Variants in STOML3 observed in about 807,000 individuals in gnomAD.
STOML3 encodes the protein stomatin-like protein 3.
In STOML3, 31 loss-of-function variants were observed where a neutral mutation model predicts 29.5. The ratio of observed to expected loss-of-function variants is 1.05; its 90% CI spans 0.79 to 1.42. The LOEUF is 1.42. STOML3 is among the 40% of genes most tolerant of loss of function. The pLI is 0.00. For synonymous variants in STOML3, 122 were observed against 139.8 expected (o/e 0.87, Z 0.90); for missense variants, 380 against 363.0 (o/e 1.05, Z -0.38).
intron 1 of STOML3, among the ~76,000 whole-genome samples, chr13:38,979,547 C>G (rs1035799808): frequency 3.3e-5 from 5 of 152,158 alleles, no homozygotes; most frequent in Non-Finnish European, 7.3e-5. Context: ...TGGCATTACA[C>G]TGTACCCACC....
intron 1 of STOML3, among the ~76,000 whole-genome samples, chr13:38,982,051 A>G (rs1278318227): frequency 6.6e-6 from 1 of 152,200 alleles, no homozygotes; most frequent in Non-Finnish European, 1.5e-5. Flanking sequence ...GTTGTGGTGT[A>G]TTCATATTCA....
chr13:38,976,703 C>T lies in STOML3; in HGVS notation c.147G>A (p.Met49Ile). The T allele has an allele frequency of 2.5e-6, 4 of 1,613,970 alleles. No homozygotes were observed. The highest frequency in any genetic ancestry group is 2.5e-6 in the Non-Finnish European group (3 of 1,179,944). ...VIITFPISIWMCLKIIKEYER... is the reference protein window; with the variant it reads ...VIITFPISIWICLKIIKEYER... ...TTTCCCAGGGTGTTACCTTCAAGCA[C>T]ATCCATATGGAGATGGGGAAGGTAA... Residue 49 changes from methionine to isoleucine, a missense_variant, in exon 2 of 7, where the codon ATG becomes ATA. Physicochemically the swap from Met to Ile is conservative, Grantham distance 10 (BLOSUM62 1). Coordinates refer to ENST00000379631, the MANE Select transcript of STOML3 (RefSeq NM_145286.3).
At chr13:38,977,799 G>T (rs951700924) in intron 1 of STOML3, among the ~76,000 whole-genome samples, 10 of 105,648 alleles carry the variant, frequency 9.5e-5, no homozygotes, top group Non-Finnish European at 1.3e-4. Flanking sequence ...TCGCTCTGTC[G>T]CCCAGGCTGG....
chr13:38,970,196 G>A lies in STOML3; in HGVS notation c.505C>T (p.His169Tyr), dbSNP rs1880809550. Residue 169 changes from histidine to tyrosine, a missense_variant, in exon 5 of 7, where the codon CAT becomes TAT. Coordinates refer to ENST00000379631, the MANE Select transcript of STOML3 (RefSeq NM_145286.3). Reference protein sequence around the residue: ...QILAGREEIAHSIQTLLDDAT... With the variant: ...QILAGREEIAYSIQTLLDDAT... ...CATGGTGTCTTTACCTGGATGCTAT[G>A]GGCGATCTCTTCTCGTCCAGCTAAG... The A allele has an allele frequency of 6.2e-7, 1 of 1,612,634 alleles. No homozygotes were observed. The highest frequency in any genetic ancestry group is 1.3e-5 in the African/African-American group (1 of 74,866).
chr13:38,986,150 T>C (rs1247162451), intron 1 of STOML3, among the ~76,000 whole-genome samples: 1 of 148,958 alleles, frequency 6.7e-6, no homozygotes, highest in East Asian at 2.0e-4. Flanking sequence ...CAAGTGATTC[T>C]CCTCCCTCCC....
intron 1 of STOML3, among the ~76,000 whole-genome samples, chr13:38,983,277 C>T (rs532713845): frequency 1.3e-5 from 2 of 152,312 alleles, no homozygotes; most frequent in African/African-American, 4.8e-5. Context: ...CCTTTAAAAA[C>T]CCTACCACCC....
rs2138001400 is a variant in STOML3 at position 38,966,243 on chromosome 13, G to A, written c.*582C>T. The A allele has an allele frequency of 6.6e-6, 1 of 152,570 alleles. No homozygotes were observed. Among genetic ancestry groups the A allele is most frequent in the South Asian group, 2.1e-4 (1 of 4,826 alleles). 9.5% of individuals were successfully genotyped at this position (152,570 alleles called of 1,614,324 possible). ...ACTCCCTGCAGGACACACAGCAAGA[G>A]ACCTGGACTGTGAGCTCATCGCAGT... On this transcript the variant is annotated 3_prime_UTR_variant, in exon 7 of 7. Coordinates refer to ENST00000379631, the MANE Select transcript of STOML3 (RefSeq NM_145286.3).
Position 38,973,104 on chromosome 13 carries a change from A to AC in STOML3, c.230-511_230-510insG, listed in dbSNP as rs1566204834. 3.2e-3 allele frequency among the ~76,000 whole-genome samples: 445 copies of AC among 138,070 alleles called. 27 individuals carry two copies. Among genetic ancestry groups the AC allele is most frequent in the African/African-American group, 0.011 (390 of 35,436 alleles). 90.6% of individuals were successfully genotyped at this position (138,070 alleles called of 152,430 possible). ...TGAAGCCCCGTCTCTACTAAAAAAA[A>AC]AAAAAAAAAAAAAAAAAAAAAAAAA... On this transcript the variant is annotated intron_variant, in intron 3 of 6. Coordinates refer to ENST00000379631, the MANE Select transcript of STOML3 (RefSeq NM_145286.3).
rs149741566 is a variant in STOML3 at position 38,985,344 on chromosome 13, A to T, written c.52+5326T>A. ...AGGCTGAGGTGGGTCAATCACTTGAAACCGGGAGGCAGAGTTTGCAATGAG... is the reference window on the plus strand; with the variant it reads ...AGGCTGAGGTGGGTCAATCACTTGATACCGGGAGGCAGAGTTTGCAATGAG... On this transcript the variant is annotated intron_variant, in intron 1 of 6. Transcript: ENST00000379631. Among the ~76,000 whole-genome samples the T allele has an allele frequency of 8.2e-3, 1,250 of 152,224 alleles. 15 individuals are homozygous for T. The highest frequency in any genetic ancestry group is 0.029 in the African/African-American group (1,201 of 41,518).
intron 1 of STOML3, among the ~76,000 whole-genome samples, chr13:38,978,167 T>A (rs1391514016): frequency 2.0e-5 from 3 of 151,584 alleles, no homozygotes; most frequent in African/African-American, 7.3e-5. Flanking sequence ...TATTTTTATT[T>A]TTTTGAGACA....
chr13:38,980,905 T>G (rs1881247344), intron 1 of STOML3, among the ~76,000 whole-genome samples: 1 of 152,236 alleles, frequency 6.6e-6, no homozygotes, highest in African/African-American at 2.4e-5. Context: ...ATTACTCTGC[T>G]GCACTTACTT....
intron 3 of STOML3, among the ~76,000 whole-genome samples, chr13:38,975,802 G>A (rs180689342): frequency 5.9e-5 from 9 of 151,660 alleles, no homozygotes; most frequent in African/African-American, 1.7e-4. Context: ...CCCCAACCCC[G>A]GGCAAAAACA....
At chr13:38,979,365 C>T (rs1881196086) in intron 1 of STOML3, among the ~76,000 whole-genome samples, 2 of 152,182 alleles carry the variant, frequency 1.3e-5, no homozygotes, top group Admixed American at 6.5e-5. Context: ...ATTCAAGTAA[C>T]ACAACTAAAG....
At chr13:38,988,324 AT>A (rs1173941289) in intron 1 of STOML3, among the ~76,000 whole-genome samples, 1 of 88,028 alleles carries the variant, frequency 1.1e-5, no homozygotes, top group African/African-American at 5.8e-5. Flanking sequence ...AATATATTAT[AT>A]TTTATATATA....
intron 1 of STOML3, among the ~76,000 whole-genome samples, chr13:38,985,628 G>T (rs1207810316): frequency 4.6e-5 from 7 of 152,142 alleles, no homozygotes; most frequent in African/African-American, 1.7e-4. Context: ...ATTTATAACA[G>T]TGGTAAATGA....
At chr13:38,975,949 T>G (rs1047214935) in intron 3 of STOML3, among the ~76,000 whole-genome samples, 1 of 152,280 alleles carries the variant, frequency 6.6e-6, no homozygotes, top group East Asian at 1.9e-4. Flanking sequence ...AAACTCATCT[T>G]TATTTCTAAC....
Position 38,978,300 on chromosome 13 carries a change from C to T in STOML3, c.53-1503G>A, listed in dbSNP as rs867306556. On this transcript the variant is annotated intron_variant, in intron 1 of 6. Coordinates refer to ENST00000379631, the MANE Select transcript of STOML3 (RefSeq NM_145286.3). ...TCCTGAGTACCTGGGATTACAGGCA[C>T]CTGCCACCACGCCTGGCTAATTTTT... Among the ~76,000 whole-genome samples the T allele has an allele frequency of 2.6e-5, 4 of 151,942 alleles. 1 individual carries two copies. Among genetic ancestry groups the T allele is most frequent in the Non-Finnish European group, 5.9e-5 (4 of 67,984 alleles).
chr13:38,988,382 T>C (rs1395785817), intron 1 of STOML3, among the ~76,000 whole-genome samples: 1 of 102,020 alleles, frequency 9.8e-6, no homozygotes, highest in Non-Finnish European at 1.7e-5. Flanking sequence ...TATTATATTT[T>C]ATATCATATA....
rs1487404499 is a variant in STOML3 at position 38,987,919 on chromosome 13, T to G, written c.52+2751A>C. Among the ~76,000 whole-genome samples, 6 of 64,804 alleles carry G rather than the reference T, an allele frequency of 9.3e-5. No homozygotes were observed. In the Admixed American group the frequency reaches 1.3e-3, roughly 14 times the overall value. The allele number at this position is 64,804 out of a possible 152,430, so 42.5% of individuals were successfully genotyped here. ...TTATGTTATATATAATATATTATAT[T>G]TTATATAATATATTATGTTATATAT... On this transcript the variant is annotated intron_variant, in intron 1 of 6. Coordinates refer to ENST00000379631, the MANE Select transcript of STOML3 (RefSeq NM_145286.3).
Sources: allele counts gnomAD v4.1 joint callset (sites outside exome capture counted in the v4.1 genomes callset), GRCh38; gene constraint gnomAD v4.1.1; transcripts MANE v1.5; gene names NCBI Gene and HGNC (gene_info 2026-07-23, HGNC 2026-07-21).